OSBPL11: variants seen among roughly 807,000 people sequenced by gnomAD.
The protein encoded by OSBPL11 is oxysterol-binding protein-related protein 11.
A neutral mutation model predicts 84.4 loss-of-function variants in OSBPL11; 33 were observed. That is an observed-to-expected ratio of 0.39 (90% CI 0.30 to 0.52). OSBPL11 has a LOEUF of 0.52. Among genes scored for constraint, OSBPL11 ranks in the 20% least tolerant of loss-of-function variants. OSBPL11 has a pLI of 0.72. For synonymous variants in OSBPL11, 276 were observed against 310.2 expected (o/e 0.89, Z 1.16); for missense variants, 736 against 901.1 (o/e 0.82, Z 2.35).
At chr3:125,560,726 G>A (rs557690013) in intron 7 of OSBPL11, among the ~76,000 whole-genome samples, 1 of 152,276 alleles carries the variant, frequency 6.6e-6, no homozygotes, top group Non-Finnish European at 1.5e-5. Flanking sequence ...TGAACATATT[G>A]CAGTTTTGCC....
intron 10 of OSBPL11, among the ~76,000 whole-genome samples, chr3:125,540,186 G>A (rs1223356043): frequency 1.3e-5 from 2 of 151,912 alleles, no homozygotes; most frequent in African/African-American, 4.8e-5. Context: ...AAAATTAGCT[G>A]GGCGTAGTGG....
At chr3:125,567,672 AC>A in intron 5 of OSBPL11, 77 bp from the exon 6 acceptor site, 1 of 1,233,510 alleles carries the variant, frequency 8.1e-7, no homozygotes, top group Non-Finnish European at 1.2e-6. Context: ...CATTTTAATT[AC>A]CAGATTCAGC....
chr3:125,537,574 T>C (rs1935661148), intron 11 of OSBPL11, among the ~76,000 whole-genome samples: 1 of 152,236 alleles, frequency 6.6e-6, no homozygotes, highest in African/African-American at 2.4e-5. Flanking sequence ...CCACTCTGAA[T>C]GTTTGATTGT....
At position 125,552,606 on chromosome 3, in the gene OSBPL11, T is replaced by C. The variant is rs1176436409; in HGVS notation, c.1229A>G (p.Asp410Gly). The change falls in exon 9 of 13, where the codon GAC (aspartate) becomes GGC (glycine). Residue 410 changes from aspartate to glycine, a missense_variant. Physicochemically the swap from Asp to Gly is moderately conservative, Grantham distance 94. Around this residue, in one of 3 missense-constraint regions of OSBPL11, gnomAD observed 579 missense variants for 717.6 expected, o/e 0.81. Coordinates refer to ENST00000296220, the MANE Select transcript of OSBPL11 (RefSeq NM_022776.5). ...EMYADFMSHP[D>G]LFIAITNGAT... Reference sequence around the variant, plus strand: ...TCCATTAGTGATGGCTATAAATAGGTCTGGATGAGACATAAAGTCTGCATA... The same window carrying C: ...TCCATTAGTGATGGCTATAAATAGGCCTGGATGAGACATAAAGTCTGCATA... The C allele has an allele frequency of 1.2e-6, 2 of 1,614,092 alleles. No individual in the cohort carries two copies. The highest frequency in any genetic ancestry group is 1.1e-5 in the South Asian group (1 of 91,078).
intron 10 of OSBPL11, among the ~76,000 whole-genome samples, chr3:125,546,076 C>A (rs1467524798): frequency 6.7e-6 from 1 of 150,082 alleles, no homozygotes; most frequent in Non-Finnish European, 1.5e-5. Flanking sequence ...TGCTTGAGCC[C>A]AGGAGTACAA....
At chr3:125,568,620 G>A (rs1433256264) in intron 5 of OSBPL11, among the ~76,000 whole-genome samples, 1 of 152,148 alleles carries the variant, frequency 6.6e-6, no homozygotes, top group Non-Finnish European at 1.5e-5. Context: ...TGGCTTTCCT[G>A]CTTCCTCTTT....
rs886783720 is a variant in OSBPL11 at position 125,552,489 on chromosome 3, T to C, written c.1346A>G (p.Tyr449Cys). The C allele has an allele frequency of 1.9e-6, 3 of 1,614,100 alleles. No homozygotes were observed. The highest frequency in any genetic ancestry group is 1.3e-5 in the African/African-American group (1 of 74,950). ...GRKGAIAKKP[Y>C]NPIIGETFHC... Reference sequence around the variant, plus strand: ...AAATGTTTCTCCAATGATAGGATTGTATGGTTTTTTAGCAATGGCTCCCTT... The same window carrying C: ...AAATGTTTCTCCAATGATAGGATTGCATGGTTTTTTAGCAATGGCTCCCTT... The change falls in exon 9 of 13, where the codon TAC (tyrosine) becomes TGC (cysteine). Residue 449 changes from tyrosine (Y) to cysteine (C), a missense_variant. This residue lies in a region of OSBPL11 where 579 missense variants were observed against 717.6 expected (regional missense o/e 0.81). Coordinates refer to ENST00000296220, the MANE Select transcript of OSBPL11 (RefSeq NM_022776.5).
At chr3:125,558,912 G>A (rs1936032358) in intron 8 of OSBPL11, among the ~76,000 whole-genome samples, 1 of 152,216 alleles carries the variant, frequency 6.6e-6, no homozygotes, top group South Asian at 2.1e-4. Context: ...TTCCTAACAA[G>A]TTTCCAGGTG....
At chr3:125,531,063 C>T (rs1935548038) in intron 12 of OSBPL11, among the ~76,000 whole-genome samples, 1 of 151,882 alleles carries the variant, frequency 6.6e-6, no homozygotes, top group African/African-American at 2.4e-5. Flanking sequence ...CTCACTGCAA[C>T]CTCCGCCTCC....
intron 5 of OSBPL11, 61 bp downstream of exon 5, chr3:125,576,128 G>A: frequency 6.7e-7 from 1 of 1,487,074 alleles, no homozygotes; most frequent in Non-Finnish European, 9.2e-7. Context: ...GTTTTTTTGT[G>A]ACAAAACCAA....
At chr3:125,571,987 C>T (rs992206704) in intron 5 of OSBPL11, among the ~76,000 whole-genome samples, 4 of 152,242 alleles carry the variant, frequency 2.6e-5, no homozygotes, top group Admixed American at 2.6e-4. Context: ...GCAAAAGCCG[C>T]AGACACTCAA....
At chr3:125,579,773 C>G in intron 3 of OSBPL11, 92 bp downstream of exon 3, 1 of 1,136,884 alleles carries the variant, frequency 8.8e-7, no homozygotes, top group Non-Finnish European at 1.3e-6. Flanking sequence ...ACAGCAGTTT[C>G]TATTTCCAAA....
At chr3:125,554,055 G>C (rs955863258) in intron 8 of OSBPL11, among the ~76,000 whole-genome samples, 3 of 152,154 alleles carry the variant, frequency 2.0e-5, no homozygotes, top group African/African-American at 7.2e-5. Context: ...GGGATTCACA[G>C]AAATGATAAA....
chr3:125,570,330 C>CAAAAAAA (rs1251584217), intron 5 of OSBPL11, among the ~76,000 whole-genome samples: 1 of 119,328 alleles, frequency 8.4e-6, no homozygotes, highest in Admixed American at 8.7e-5. Flanking sequence ...CCATCTCTAG[C>CAAAAAAA]AAAAAAAAAA....
chr3:125,576,639 G>T (rs1360882744), intron 4 of OSBPL11, among the ~76,000 whole-genome samples: 1 of 151,780 alleles, frequency 6.6e-6, no homozygotes, highest in East Asian at 1.9e-4. Context: ...ATAAATATTA[G>T]AATAACAAAG....
At chr3:125,546,598 T>G (rs1052792850) in intron 10 of OSBPL11, among the ~76,000 whole-genome samples, 1 of 152,120 alleles carries the variant, frequency 6.6e-6, no homozygotes, top group Non-Finnish European at 1.5e-5. Context: ...AAATCACATG[T>G]GACTAAGAAA....
intron 8 of OSBPL11, among the ~76,000 whole-genome samples, chr3:125,554,703 G>A (rs1935964289): frequency 6.6e-6 from 1 of 151,802 alleles, no homozygotes. Context: ...ATACAAGAAT[G>A]CTTTTTAAAA....
chr3:125,585,787 A>C (rs1936500938), intron 1 of OSBPL11, among the ~76,000 whole-genome samples: 1 of 152,204 alleles, frequency 6.6e-6, no homozygotes, highest in Non-Finnish European at 1.5e-5. Context: ...ATCGAAGGCA[A>C]CCAGCTGGTG....
At position 125,595,329 on chromosome 3, in the gene OSBPL11, C is replaced by G. The variant is rs2294050; in HGVS notation, c.-529G>C. ...GGCGCGCGCAGCCGGGGAGGAGGGTCGGGGAATGAGGCCGCCGGGGGCGGG... is the reference window on the plus strand; with the variant it reads ...GGCGCGCGCAGCCGGGGAGGAGGGTGGGGGAATGAGGCCGCCGGGGGCGGG... On this transcript the variant is annotated 5_prime_UTR_variant, in exon 1 of 13. Coordinates refer to ENST00000296220, the MANE Select transcript of OSBPL11 (RefSeq NM_022776.5). Among the ~76,000 whole-genome samples the G allele has an allele frequency of 0.12, 18,840 of 151,882 alleles. 1,411 individuals carry two copies. Among genetic ancestry groups the G allele is most frequent in the Admixed American group, 0.19 (2,895 of 15,278 alleles).
Sources: allele counts gnomAD v4.1 joint callset (sites outside exome capture counted in the v4.1 genomes callset), GRCh38; gene constraint gnomAD v4.1.1; regional missense constraint gnomAD v4.1.1; transcripts MANE v1.5; gene names NCBI Gene and HGNC (gene_info 2026-07-23, HGNC 2026-07-21).